The following DNAI7 variants were observed in gnomAD, a reference collection of about 807,000 sequenced individuals.
DNAI7 encodes the protein dynein axonemal intermediate chain 7.
A neutral mutation model predicts 86.6 loss-of-function variants in DNAI7; 78 were observed. That is an observed-to-expected ratio of 0.90 (90% CI 0.75 to 1.09). The LOEUF is 1.09. Ranked by LOEUF, DNAI7 falls within the 50% of genes least tolerant of loss-of-function variation. The probability of loss-of-function intolerance (pLI) is 0.00; values close to 1 mark genes in which losing one functional copy is unlikely to be tolerated. For synonymous variants in DNAI7, 274 were observed against 273.0 expected (o/e 1.00, Z -0.04); for missense variants, 753 against 810.2 (o/e 0.93, Z 0.86).
At chr12:25,187,206 C>T (rs1272348686) in intron 2 of DNAI7, among the ~76,000 whole-genome samples, 1 of 152,116 alleles carries the variant, frequency 6.6e-6, no homozygotes, top group Non-Finnish European at 1.5e-5. Context: ...TCACTTTCTA[C>T]CTCACTGTCT....
intron 2 of DNAI7, among the ~76,000 whole-genome samples, chr12:25,168,059 A>G (rs12307064): frequency 0.081 from 12,262 of 151,610 alleles, 1,518 homozygotes; most frequent in African/African-American, 0.27. Flanking sequence ...TGAAAATCGA[A>G]CCTCCCCCTC....
At chr12:25,113,619 A>C (rs191384917) in intron 13 of DNAI7, among the ~76,000 whole-genome samples, 23 of 152,262 alleles carry the variant, frequency 1.5e-4, no homozygotes, top group African/African-American at 5.3e-4. Context: ...TTTTAAAAGC[A>C]AAGTTTAATA....
chr12:25,165,026 T>C (rs12829512), intron 2 of DNAI7, among the ~76,000 whole-genome samples: 2 of 152,106 alleles, frequency 1.3e-5, no homozygotes, highest in Non-Finnish European at 2.9e-5. Flanking sequence ...AATCAGATAG[T>C]GTTTAGGCTT....
At chr12:25,116,581 C>T (rs1271381164) in intron 12 of DNAI7, among the ~76,000 whole-genome samples, 1 of 152,076 alleles carries the variant, frequency 6.6e-6, no homozygotes, top group Non-Finnish European at 1.5e-5. Context: ...CTCGCTACAC[C>T]CTCCGCCTCC....
chr12:25,175,514 T>C (rs1948863408), intron 2 of DNAI7, among the ~76,000 whole-genome samples: 1 of 151,952 alleles, frequency 6.6e-6, no homozygotes, highest in African/African-American at 2.4e-5. Context: ...TCCAGGCTAA[T>C]TTTTTGTATT....
At chr12:25,194,256 A>G (rs1397199843) in intron 1 of DNAI7, among the ~76,000 whole-genome samples, 2 of 152,152 alleles carry the variant, frequency 1.3e-5, no homozygotes, top group Non-Finnish European at 2.9e-5. Flanking sequence ...ACCCCATTTT[A>G]GATGCTTCAA....
intron 1 of DNAI7, among the ~76,000 whole-genome samples, chr12:25,194,730 G>A (rs1950878804): frequency 6.6e-6 from 1 of 152,016 alleles, no homozygotes; most frequent in African/African-American, 2.4e-5. Flanking sequence ...AAACATTTCC[G>A]CCAAGTTGCA....
chr12:25,128,866 A>T (rs896285696), intron 9 of DNAI7, among the ~76,000 whole-genome samples: 18 of 152,188 alleles, frequency 1.2e-4, no homozygotes, highest in Admixed American at 4.6e-4. Context: ...CAGTAGCCAG[A>T]ATAACCTTTC....
At chr12:25,123,389 T>G (rs911203937) in intron 9 of DNAI7, 103 bp from the exon 10 acceptor site, 9 of 648,648 alleles carry the variant, frequency 1.4e-5, no homozygotes, top group Non-Finnish European at 1.9e-5. Context: ...CTACCTTAAT[T>G]CTAGGCTGAA....
chr12:25,182,638 A>ACACACAC (rs1555184974), intron 2 of DNAI7, among the ~76,000 whole-genome samples: 5 of 150,822 alleles, frequency 3.3e-5, no homozygotes, highest in Non-Finnish European at 4.4e-5. Context: ...ACACACACAC[A>ACACACAC]AGCCAGATGT....
chr12:25,152,491 A>G (rs1168270416), intron 6 of DNAI7, among the ~76,000 whole-genome samples: 1 of 152,190 alleles, frequency 6.6e-6, no homozygotes, highest in Admixed American at 6.5e-5. Flanking sequence ...AGGGCACGGA[A>G]GCTCTACACT....
intron 2 of DNAI7, among the ~76,000 whole-genome samples, chr12:25,174,745 A>G (rs1222023582): frequency 3.4e-5 from 5 of 145,528 alleles, no homozygotes; most frequent in African/African-American, 1.3e-4. Flanking sequence ...TGGAATATAT[A>G]TATCATATAT....
chr12:25,188,302 T>C (rs1228887825), intron 2 of DNAI7, among the ~76,000 whole-genome samples: 2 of 152,210 alleles, frequency 1.3e-5, no homozygotes, highest in Non-Finnish European at 2.9e-5. Flanking sequence ...TGTGTACATA[T>C]GTGCGCCCTT....
At chr12:25,128,405 C>A (rs1488639973) in intron 9 of DNAI7, among the ~76,000 whole-genome samples, 2 of 152,144 alleles carry the variant, frequency 1.3e-5, no homozygotes, top group African/African-American at 4.8e-5. Flanking sequence ...TATCTATAGA[C>A]CAATGGTCCC....
At chr12:25,157,194 C>T (rs7308237) in intron 4 of DNAI7, among the ~76,000 whole-genome samples, 1,785 of 147,374 alleles carry the variant, frequency 0.012, 29 homozygotes, top group South Asian at 0.059. Flanking sequence ...AGGAGAATGG[C>T]GTGAACCCGG....
chr12:25,136,152 G>A (rs1400294549), intron 9 of DNAI7, among the ~76,000 whole-genome samples: 1 of 152,286 alleles, frequency 6.6e-6, no homozygotes, highest in East Asian at 1.9e-4. Flanking sequence ...CCCTCACAGA[G>A]TCCACTTCAT....
intron 9 of DNAI7, among the ~76,000 whole-genome samples, chr12:25,140,331 A>G (rs1944028230): frequency 6.6e-6 from 1 of 152,162 alleles, no homozygotes; most frequent in Admixed American, 6.5e-5. Flanking sequence ...AGATATGATA[A>G]ATGAATTCAG....
At chr12:25,139,230 T>TA (rs201356342) in intron 9 of DNAI7, among the ~76,000 whole-genome samples, 14 of 150,004 alleles carry the variant, frequency 9.3e-5, no homozygotes, top group Admixed American at 6.6e-4. Flanking sequence ...AAATTACCAA[T>TA]AAAAAAAAAG....
chr12:25,141,119 A>C (rs1944138477), intron 9 of DNAI7, among the ~76,000 whole-genome samples: 1 of 152,220 alleles, frequency 6.6e-6, no homozygotes, highest in Admixed American at 6.5e-5. Context: ...ATAGAAAATA[A>C]CATTGGAACA....
Sources: allele counts gnomAD v4.1 joint callset (sites outside exome capture counted in the v4.1 genomes callset), GRCh38; gene constraint gnomAD v4.1.1; transcripts MANE v1.5; gene names NCBI Gene and HGNC (gene_info 2026-07-23, HGNC 2026-07-21).